HMGCLL1: variants seen among roughly 807,000 people sequenced by gnomAD.
HMGCLL1 encodes the protein 3-hydroxymethyl-3-methylglutaryl-CoA lyase, cytoplasmic.
Under a neutral mutation model 39.1 loss-of-function variants are expected in HMGCLL1, and 36 were observed. The observed-to-expected ratio is 0.92, with a 90% confidence interval of 0.71 to 1.22. HMGCLL1 has a LOEUF of 1.22. HMGCLL1 is among the 50% of genes most tolerant of loss of function. HMGCLL1 has a pLI of 0.00. For missense variants in HMGCLL1, 451 were observed against 416.5 expected (o/e 1.08, Z -0.72); for synonymous variants, 149 against 144.0 (o/e 1.03, Z -0.25).
At position 55,485,087 on chromosome 6, in the gene HMGCLL1, C is replaced by T. The variant is rs192601000; in HGVS notation, c.795+10332G>A. Among the ~76,000 whole-genome samples, 16 of 152,226 alleles carry T rather than the reference C, an allele frequency of 1.1e-4. 1 individual carries two copies. Among genetic ancestry groups the T allele is most frequent in the African/African-American group, 3.6e-4 (15 of 41,534 alleles). On this transcript the variant is annotated intron_variant, in intron 7 of 8. Transcript: ENST00000274901. ...TTCCCTCAGACTGAGATGTTCTGTT[C>T]CCAGTTGTGAAGTGGAGTAATACCC...
chr6:55,496,565 C>T (rs761074269), intron 6 of HMGCLL1, among the ~76,000 whole-genome samples: 2 of 152,140 alleles, frequency 1.3e-5, no homozygotes, highest in Non-Finnish European at 2.9e-5. Context: ...CAGTAAATTG[C>T]ATATCGCAGG....
chr6:55,542,985 C>T (rs12212388), intron 1 of HMGCLL1, among the ~76,000 whole-genome samples: 78,061 of 116,464 alleles, frequency 0.67, 26,106 homozygotes, highest in Admixed American at 0.73. Flanking sequence ...ATAAATAATA[C>T]AATATATATT....
chr6:55,438,769 C>T (rs1288339480), intron 8 of HMGCLL1, among the ~76,000 whole-genome samples: 1 of 151,950 alleles, frequency 6.6e-6, no homozygotes, highest in African/African-American at 2.4e-5. Context: ...TATTTTACAT[C>T]TCAGAAATTC....
chr6:55,590,735 A>T, the HMGCLL1 span, among the ~76,000 whole-genome samples: 1 of 152,002 alleles, frequency 6.6e-6, no homozygotes, highest in Admixed American at 6.6e-5. Flanking sequence ...ACAGATAAAT[A>T]TAAGCACATA....
At chr6:55,467,181 A>C (rs537235200) in intron 7 of HMGCLL1, among the ~76,000 whole-genome samples, 2 of 152,158 alleles carry the variant, frequency 1.3e-5, no homozygotes, top group African/African-American at 4.8e-5. Flanking sequence ...CACATTTCTG[A>C]AGTGAAATTA....
At chr6:55,677,148 G>A in the HMGCLL1 span, among the ~76,000 whole-genome samples, 2 of 152,252 alleles carry the variant, frequency 1.3e-5, no homozygotes, top group Non-Finnish European at 2.9e-5. Flanking sequence ...TGTAATCCTA[G>A]CACTTTGGGA....
At chr6:55,567,034 C>T (rs1282966302) in intron 1 of HMGCLL1, among the ~76,000 whole-genome samples, 1 of 151,890 alleles carries the variant, frequency 6.6e-6, no homozygotes, top group East Asian at 1.9e-4. Context: ...TAACAGAAAA[C>T]TAAATAAAAT....
intron 3 of HMGCLL1, among the ~76,000 whole-genome samples, chr6:55,527,748 A>C (rs1357863765): frequency 6.6e-6 from 1 of 152,070 alleles, no homozygotes; most frequent in Non-Finnish European, 1.5e-5. Context: ...GACAAAAAAG[A>C]AAAAAGTTTC....
chr6:55,659,132 G>T, the HMGCLL1 span, among the ~76,000 whole-genome samples: 1 of 151,858 alleles, frequency 6.6e-6, no homozygotes, highest in African/African-American at 2.4e-5. Flanking sequence ...GTATATGGGT[G>T]GATACAGGTA....
the HMGCLL1 span, among the ~76,000 whole-genome samples, chr6:55,613,205 A>G: frequency 3.3e-4 from 50 of 152,320 alleles, no homozygotes; most frequent in African/African-American, 1.2e-3. Context: ...GGTCAACATC[A>G]CTTATCATTA....
chr6:55,521,932 T>C (rs1211569277), intron 3 of HMGCLL1, among the ~76,000 whole-genome samples: 1 of 152,136 alleles, frequency 6.6e-6, no homozygotes, highest in Non-Finnish European at 1.5e-5. Context: ...AGAAAAGTTT[T>C]AAATGCAAAG....
intron 7 of HMGCLL1, among the ~76,000 whole-genome samples, chr6:55,492,583 G>T (rs760242351): frequency 6.6e-6 from 1 of 152,176 alleles, no homozygotes; most frequent in African/African-American, 2.4e-5. Context: ...ATATCAATGC[G>T]TTTATCAAAC....
chr6:55,598,017 T>A, the HMGCLL1 span, among the ~76,000 whole-genome samples: 1 of 152,084 alleles, frequency 6.6e-6, no homozygotes, highest in East Asian at 1.9e-4. Flanking sequence ...TGAGTGAAAA[T>A]CAAGGCTCAC....
intron 1 of HMGCLL1, among the ~76,000 whole-genome samples, chr6:55,552,545 T>A (rs572843311): frequency 6.6e-6 from 1 of 152,176 alleles, no homozygotes; most frequent in Admixed American, 6.5e-5. Flanking sequence ...GAGGTTACAA[T>A]AGCTAAAAAG....
chr6:55,527,583 C>T (rs190911842), intron 3 of HMGCLL1, among the ~76,000 whole-genome samples: 11 of 152,082 alleles, frequency 7.2e-5, no homozygotes. Flanking sequence ...AGAAAAAGAA[C>T]ACAAAAATAT....
chr6:55,477,297 A>T (rs1439496064), intron 7 of HMGCLL1, among the ~76,000 whole-genome samples: 1 of 12,880 alleles, frequency 7.8e-5, no homozygotes, highest in African/African-American at 6.6e-4. Context: ...ATATAAAATA[A>T]TATATATTAT....
the HMGCLL1 span, among the ~76,000 whole-genome samples, chr6:55,656,249 C>A: frequency 6.6e-6 from 1 of 151,940 alleles, no homozygotes; most frequent in African/African-American, 2.4e-5. Context: ...TTTTACCATA[C>A]CCTCCTCCTA....
At chr6:55,455,519 T>C (rs1764285659) in intron 7 of HMGCLL1, among the ~76,000 whole-genome samples, 1 of 152,198 alleles carries the variant, frequency 6.6e-6, no homozygotes, top group African/African-American at 2.4e-5. Flanking sequence ...CTCGCATGTC[T>C]AGAAAACATA....
chr6:55,602,099 T>G, the HMGCLL1 span, among the ~76,000 whole-genome samples: 6 of 152,182 alleles, frequency 3.9e-5, no homozygotes, highest in South Asian at 4.1e-4. Context: ...CTCTTAGACG[T>G]ATGTAATAAA....
Sources: allele counts gnomAD v4.1 joint callset (sites outside exome capture counted in the v4.1 genomes callset), GRCh38; gene constraint gnomAD v4.1.1; transcripts MANE v1.5; gene names NCBI Gene and HGNC (gene_info 2026-07-23, HGNC 2026-07-21).